The following CTNNA3 variants were observed in gnomAD, a reference collection of about 807,000 sequenced individuals.
CTNNA3 encodes the protein catenin alpha 3.
CTNNA3 carries 76 observed loss-of-function variants against 95.7 expected under a neutral mutation model. The observed-to-expected ratio is 0.79, with a 90% CI of 0.66 to 0.96. The LOEUF (loss-of-function observed/expected upper bound fraction) is 0.96. CTNNA3 is among the 40% of genes least tolerant of loss of function. The probability of loss-of-function intolerance (pLI) is 0.00; values close to 1 mark genes in which losing one functional copy is unlikely to be tolerated. For synonymous variants in CTNNA3, 431 were observed against 374.4 expected (o/e 1.15, Z -1.74); for missense variants, 1,191 against 1,089.8 (o/e 1.09, Z -1.31).
chr10:66,660,353 A>C (rs139377868), intron 9 of CTNNA3, among the ~76,000 whole-genome samples: 244 of 152,320 alleles, frequency 1.6e-3, no homozygotes, highest in African/African-American at 5.3e-3. Context: ...TCCATGAGGC[A>C]GATAAGATAG....
intron 7 of CTNNA3, among the ~76,000 whole-genome samples, chr10:66,932,199 G>A (rs919874719): frequency 3.9e-5 from 6 of 152,148 alleles, no homozygotes; most frequent in African/African-American, 1.4e-4. Flanking sequence ...CATGGATAAT[G>A]AAATTATGCT....
chr10:65,981,547 C>T (rs974931626), intron 16 of CTNNA3, among the ~76,000 whole-genome samples: 1 of 151,904 alleles, frequency 6.6e-6, no homozygotes, highest in Non-Finnish European at 1.5e-5. Flanking sequence ...CAAATCAATA[C>T]TAAGCAAAAA....
intron 11 of CTNNA3, among the ~76,000 whole-genome samples, chr10:66,429,453 A>C (rs1407981272): frequency 6.6e-6 from 1 of 152,158 alleles, no homozygotes; most frequent in African/African-American, 2.4e-5. Context: ...CAAGCAAAAA[A>C]GAGAATTTTA....
At chr10:66,200,942 T>G (rs188199444) in intron 13 of CTNNA3, among the ~76,000 whole-genome samples, 48 of 152,268 alleles carry the variant, frequency 3.2e-4, no homozygotes, top group African/African-American at 1.1e-3. Context: ...ATTTTTCTTA[T>G]TATCCATTGT....
intron 13 of CTNNA3, among the ~76,000 whole-genome samples, chr10:66,269,450 T>C (rs2091230227): frequency 6.6e-6 from 1 of 152,220 alleles, no homozygotes; most frequent in Non-Finnish European, 1.5e-5. Flanking sequence ...ATTTTAATTT[T>C]ATATTTTTTA....
intron 2 of CTNNA3, among the ~76,000 whole-genome samples, chr10:67,630,301 C>G (rs1215322120): frequency 6.6e-6 from 1 of 152,156 alleles, no homozygotes; most frequent in Non-Finnish European, 1.5e-5. Context: ...TTGACAAAAG[C>G]AATGTAAATA....
intron 5 of CTNNA3, among the ~76,000 whole-genome samples, chr10:67,228,173 A>G (rs1373404679): frequency 6.6e-6 from 1 of 152,212 alleles, no homozygotes; most frequent in Non-Finnish European, 1.5e-5. Flanking sequence ...GAAATAACCA[A>G]GATCAGAGCA....
At chr10:66,548,791 T>A (rs1239916043) in intron 10 of CTNNA3, among the ~76,000 whole-genome samples, 2 of 152,078 alleles carry the variant, frequency 1.3e-5, no homozygotes. Context: ...TTTCTTATAA[T>A]ACATTTTTAA....
intron 13 of CTNNA3, among the ~76,000 whole-genome samples, chr10:66,266,521 A>T (rs921878167): frequency 1.3e-5 from 2 of 152,032 alleles, no homozygotes; most frequent in Admixed American, 6.6e-5. Context: ...TTGATTAGCA[A>T]TTACTTCTGT....
At position 66,761,088 on chromosome 10, in the gene CTNNA3, A is replaced by C. The variant is rs951585101; in HGVS notation, c.1281+5176T>G. Among the ~76,000 whole-genome samples, 90 of 152,306 alleles carry C rather than the reference A, an allele frequency of 5.9e-4. 1 individual carries two copies. Among genetic ancestry groups the C allele is most frequent in the African/African-American group, 1.9e-3 (81 of 41,574 alleles). On this transcript the variant is annotated intron_variant, in intron 9 of 17. Transcript: ENST00000433211. ...TTGATAACAGATGACCAATTAAAGC[A>C]ATGTGTGAAACTTGAACAGCATTCT... is the stretch of plus-strand genomic sequence containing the variant.
chr10:66,507,285 G>A (rs1050179848), intron 11 of CTNNA3, among the ~76,000 whole-genome samples: 3 of 152,020 alleles, frequency 2.0e-5, no homozygotes, highest in Admixed American at 6.6e-5. Context: ...CATGTATACA[G>A]TGTGTGATTA....
At chr10:67,160,433 C>CTTTTTTT (rs71006132) in intron 7 of CTNNA3, among the ~76,000 whole-genome samples, 1 of 92,786 alleles carries the variant, frequency 1.1e-5, no homozygotes, top group Non-Finnish European at 2.0e-5. Flanking sequence ...TTCATCACAT[C>CTTTTTTT]TTTTTTTTTT....
intron 12 of CTNNA3, among the ~76,000 whole-genome samples, chr10:66,328,550 GAA>G (rs138185277): frequency 0.097 from 14,716 of 151,842 alleles, 1,056 homozygotes; most frequent in East Asian, 0.23. Context: ...TGTCCATAGA[GAA>G]GTCTTTCTTG....
chr10:67,656,395 T>C (rs1168628040), intron 1 of CTNNA3, among the ~76,000 whole-genome samples: 1 of 152,150 alleles, frequency 6.6e-6, no homozygotes, highest in Non-Finnish European at 1.5e-5. Flanking sequence ...AAGAGCAAAA[T>C]GATGTGAGAT....
At chr10:67,547,572 T>G (rs960830215) in intron 3 of CTNNA3, among the ~76,000 whole-genome samples, 3 of 152,190 alleles carry the variant, frequency 2.0e-5, no homozygotes, top group African/African-American at 7.2e-5. Flanking sequence ...TTGGCCCTAT[T>G]GATATGCTCC....
intron 5 of CTNNA3, among the ~76,000 whole-genome samples, chr10:67,476,012 G>C (rs1451067607): frequency 6.6e-6 from 1 of 152,210 alleles, no homozygotes; most frequent in East Asian, 1.9e-4. Flanking sequence ...GGGCCAGGAT[G>C]ATAGCCAGAG....
At position 66,280,463 on chromosome 10, in the gene CTNNA3, A is replaced by C. The variant is rs762826132; in HGVS notation, c.1884+7T>G. 1.4e-5 allele frequency: 23 copies of C among 1,601,920 alleles called. No homozygotes were observed. The highest frequency in any genetic ancestry group is 3.3e-4 in the Middle Eastern group (2 of 6,038). ...CAATAATTCAATGGAAGGAAAAGCAAACTTACCCGAATCATCATGACTGAA... is the reference window on the plus strand; with the variant it reads ...CAATAATTCAATGGAAGGAAAAGCACACTTACCCGAATCATCATGACTGAA... On this transcript the variant is annotated splice_region_variant and intron_variant, in intron 13 of 17. Coordinates refer to ENST00000433211, the MANE Select transcript of CTNNA3 (RefSeq NM_013266.4).
chr10:66,822,732 A>G (rs1253857544), intron 7 of CTNNA3, among the ~76,000 whole-genome samples: 1 of 152,174 alleles, frequency 6.6e-6, no homozygotes, highest in Non-Finnish European at 1.5e-5. Context: ...GAGAAAGGGA[A>G]AGAGAACAAA....
chr10:67,409,273 G>A (rs1845274838), intron 5 of CTNNA3, among the ~76,000 whole-genome samples: 1 of 152,196 alleles, frequency 6.6e-6, no homozygotes, highest in South Asian at 2.1e-4. Flanking sequence ...CTACTATAAA[G>A]ACGCATGCAC....
Sources: gnomAD v4.1 joint callset for allele counts (sites outside exome capture counted in the v4.1 genomes callset) on GRCh38, gnomAD v4.1.1 for gene constraint, MANE v1.5 for transcripts, NCBI Gene and HGNC (gene_info 2026-07-23, HGNC 2026-07-21) for gene names.